Variants in PCDH15 observed in about 807,000 individuals in gnomAD.
PCDH15 encodes the protein protocadherin related 15.
PCDH15 carries 129 observed loss-of-function variants against 178.5 expected under a neutral mutation model. The observed-to-expected ratio is 0.72, with a 90% CI of 0.63 to 0.84. PCDH15 has a LOEUF of 0.84. Ranked by LOEUF, PCDH15 falls within the 40% of genes least tolerant of loss-of-function variation. PCDH15 has a pLI of 0.00. For synonymous variants in PCDH15, 800 were observed against 732.0 expected, an observed-to-expected ratio of 1.09 and a Z score of -1.50; for missense variants, 2,230 against 2,099.9, an observed-to-expected ratio of 1.06 and a Z score of -1.21.
chr10:54,963,713 T>G (rs946441920), intron 2 of PCDH15, among the ~76,000 whole-genome samples: 2 of 152,218 alleles, frequency 1.3e-5, no homozygotes, highest in East Asian at 3.9e-4. Flanking sequence ...CTTAATTCTC[T>G]TTCAATTTTC....
At chr10:55,201,943 T>G (rs1455495015) in intron 1 of PCDH15, among the ~76,000 whole-genome samples, 2 of 152,162 alleles carry the variant, frequency 1.3e-5, no homozygotes, top group Non-Finnish European at 2.9e-5. Flanking sequence ...AGTTTTTCAT[T>G]TTTTCCCCCT....
chr10:55,148,458 G>A (rs2132097909), intron 2 of PCDH15, among the ~76,000 whole-genome samples: 1 of 151,858 alleles, frequency 6.6e-6, no homozygotes, highest in African/African-American at 2.4e-5. Flanking sequence ...TTACTCAAGA[G>A]AACTATATCA....
chr10:53,944,304 A>C (rs1357883842), intron 23 of PCDH15, among the ~76,000 whole-genome samples: 1 of 152,180 alleles, frequency 6.6e-6, no homozygotes, highest in Non-Finnish European at 1.5e-5. Flanking sequence ...CGATTTTTAA[A>C]GCAGATTAAC....
intron 2 of PCDH15, among the ~76,000 whole-genome samples, chr10:54,536,840 A>T: frequency 6.6e-6 from 1 of 152,052 alleles, no homozygotes; most frequent in African/African-American, 2.4e-5. Context: ...TTCTATTTTT[A>T]TGGCTGCATA....
rs763704132 is a variant in PCDH15 at position 54,774,007 on chromosome 10, CTTTTTTTT to C, written c.-29+26910_-29+26917del. On this transcript the variant is annotated intron_variant, in intron 1 of 37. Transcript: ENST00000644397. ...TAGATGAACTGGCATACTTCATAGG[CTTTTTTTT>C]TTTTTTTTTTTTTTTTTTTTTTTTT... is the stretch of plus-strand genomic sequence containing the variant. Among the ~76,000 whole-genome samples, 71 of 75,376 alleles carry C rather than the reference CTTTTTTTT, an allele frequency of 9.4e-4. 3 individuals carry two copies. The highest frequency in any genetic ancestry group is 2.5e-3 in the East Asian group (4 of 1,626). The allele number at this position is 75,376 out of a possible 152,430, so 49.4% of individuals were successfully genotyped here. A position where few individuals can be genotyped will look rare whatever the true frequency, so the allele number is the denominator to read the frequency against.
intron 3 of PCDH15, among the ~76,000 whole-genome samples, chr10:54,398,654 G>T (rs1229914474): frequency 6.6e-6 from 1 of 151,754 alleles, no homozygotes; most frequent in African/African-American, 2.4e-5. Context: ...TTATTCTTGT[G>T]CAACCTGGAA....
At chr10:55,582,614 ATATATATATATATATT>A (rs1842639564) in intron 2 of PCDH15, among the ~76,000 whole-genome samples, 1 of 88,626 alleles carries the variant, frequency 1.1e-5, no homozygotes, top group African/African-American at 6.1e-5. Flanking sequence ...ATATATATAT[ATATATATATATATATT>A]TTTTTTTTTT....
intron 18 of PCDH15, among the ~76,000 whole-genome samples, chr10:54,050,800 G>A (rs190611577): frequency 9.8e-4 from 149 of 152,164 alleles, no homozygotes; most frequent in South Asian, 1.5e-3. Flanking sequence ...TATTGATATG[G>A]TTTGGCTGTG....
At chr10:54,917,770 G>A (rs1423464453) in intron 2 of PCDH15, among the ~76,000 whole-genome samples, 1 of 152,134 alleles carries the variant, frequency 6.6e-6, no homozygotes, top group African/African-American at 2.4e-5. Flanking sequence ...TAAAAATGGG[G>A]AAGGTTCTCT....
At chr10:55,501,202 T>C (rs1319376668) in intron 2 of PCDH15, among the ~76,000 whole-genome samples, 4 of 151,638 alleles carry the variant, frequency 2.6e-5, no homozygotes, top group Admixed American at 6.6e-5. Context: ...GGAACACTCC[T>C]GGGGTACCTG....
intron 2 of PCDH15, among the ~76,000 whole-genome samples, chr10:55,565,550 C>T (rs1385901690): frequency 6.6e-6 from 1 of 151,496 alleles, no homozygotes; most frequent in Non-Finnish European, 1.5e-5. Flanking sequence ...AACAATGAAA[C>T]CAAAAGTTGG....
chr10:54,834,257 T>G (rs1953275252), intron 3 of PCDH15, among the ~76,000 whole-genome samples: 1 of 151,854 alleles, frequency 6.6e-6, no homozygotes, highest in African/African-American at 2.4e-5. Context: ...TGGCACAATC[T>G]TGGCTCACTG....
chr10:53,914,017 CCAT>C (rs1245740584), intron 25 of PCDH15, among the ~76,000 whole-genome samples: 8 of 152,012 alleles, frequency 5.3e-5, no homozygotes, highest in Admixed American at 3.9e-4. Context: ...GAAAAAAGGC[CCAT>C]CATCACTGGT....
intron 2 of PCDH15, among the ~76,000 whole-genome samples, chr10:55,158,604 TG>T (rs34039802): frequency 2.2e-4 from 2 of 9,212 alleles, no homozygotes; most frequent in African/African-American, 2.5e-4. Flanking sequence ...TCAGAGGGTC[TG>T]GGGTCAAAAA....
intron 2 of PCDH15, among the ~76,000 whole-genome samples, chr10:55,409,578 A>G (rs1838283825): frequency 6.6e-6 from 1 of 151,850 alleles, no homozygotes; most frequent in African/African-American, 2.4e-5. Context: ...GGGTGCTCAT[A>G]TGGTAGATCA....
chr10:54,483,488 C>T (rs764612680), intron 3 of PCDH15, among the ~76,000 whole-genome samples: 2 of 151,732 alleles, frequency 1.3e-5, no homozygotes, highest in Non-Finnish European at 2.9e-5. Flanking sequence ...ATGTCAGCTC[C>T]TAATACTTCT....
intron 2 of PCDH15, among the ~76,000 whole-genome samples, chr10:55,375,644 T>A (rs1303348935): frequency 3.9e-5 from 6 of 152,106 alleles, no homozygotes; most frequent in African/African-American, 1.4e-4. Flanking sequence ...GCATCTGATA[T>A]CTTAGAGTAC....
At chr10:54,115,543 C>A (rs753257214) in intron 15 of PCDH15, among the ~76,000 whole-genome samples, 6 of 152,202 alleles carry the variant, frequency 3.9e-5, no homozygotes, top group Non-Finnish European at 8.8e-5. Context: ...TCTGAGGCAA[C>A]CTGCGTCTAA....
intron 1 of PCDH15, among the ~76,000 whole-genome samples, chr10:55,187,109 A>G (rs1839819303): frequency 6.6e-6 from 1 of 151,918 alleles, no homozygotes; most frequent in Non-Finnish European, 1.5e-5. Context: ...AAGATAGTCA[A>G]TGTTCATATA....
Sources: gnomAD v4.1 joint callset for allele counts (sites outside exome capture counted in the v4.1 genomes callset) on GRCh38, gnomAD v4.1.1 for gene constraint, MANE v1.5 for transcripts, NCBI Gene and HGNC (gene_info 2026-07-23, HGNC 2026-07-21) for gene names.